SLC49A3: variants seen among roughly 807,000 people sequenced by gnomAD.
SLC49A3 encodes the protein solute carrier family 49 member A3.
A neutral mutation model predicts 43.8 loss-of-function variants in SLC49A3; 50 were observed. The ratio of observed to expected loss-of-function variants is 1.14; its 90% CI spans 0.91 to 1.45. The LOEUF (loss-of-function observed/expected upper bound fraction) is 1.45, where lower values mean the gene tolerates loss of function less well. Among genes scored for constraint, SLC49A3 ranks in the 40% most tolerant of loss-of-function variants. The pLI is 0.00. For missense variants in SLC49A3, 906 were observed against 774.1 expected, an observed-to-expected ratio of 1.17 and a Z score of -2.02; for synonymous variants, 413 against 352.0, an observed-to-expected ratio of 1.17 and a Z score of -1.94.
At chr4:681,793 C>T (rs1739695179), downstream of SLC49A3, 1 of 1,238,884 alleles carries the variant, frequency 8.1e-7, no homozygotes, top group Non-Finnish European at 1.0e-6. Flanking sequence ...CTCCCCGCTC[C>T]CCCTCCCGCG....
In SLC49A3 at chr4:686,705, C is replaced by G; in HGVS notation, c.136-15G>C. ...CTGAGCCACAGCTGCAGGGGTCAGGCGGGAGTCAGCGCAGGGCCACAGACC... is the reference window on the plus strand; with the variant it reads ...CTGAGCCACAGCTGCAGGGGTCAGGGGGGAGTCAGCGCAGGGCCACAGACC... On this transcript the variant is annotated splice_polypyrimidine_tract_variant and intron_variant, in intron 1 of 9. Transcript: ENST00000322224. 2 of 1,609,120 alleles carry G rather than the reference C, an allele frequency of 1.2e-6. No homozygotes were observed. Among genetic ancestry groups the G allele is most frequent in the Non-Finnish European group, 8.5e-7 (1 of 1,178,242 alleles).
rs776671014 is a variant in SLC49A3 at position 682,327 on chromosome 4, C to T, written c.1311G>A (p.Leu437=). Reference sequence around the variant, plus strand: ...GGTATGGGGTGTGGAAGAAGACCGCCAGGATGCAGCTGAAGAAGGTGCACA... The same window carrying T: ...GGTATGGGGTGTGGAAGAAGACCGCTAGGATGCAGCTGAAGAAGGTGCACA... ...AGLCTFFSCI[L]AVFFHTPYRR... Residue 437 remains leucine (L), a synonymous_variant, in exon 10 of 10, where the codon CTG becomes CTA. Transcript: ENST00000322224. The T allele has an allele frequency of 5.9e-6, 8 of 1,349,010 alleles. No homozygotes were observed. The highest frequency in any genetic ancestry group is 2.8e-5 in the East Asian group (1 of 35,880). 83.6% of individuals were successfully genotyped at this position (1,349,010 alleles called of 1,614,324 possible).
At chr4:684,214 TG>T (rs901433364) in intron 6 of SLC49A3, among the ~76,000 whole-genome samples, 11 of 151,906 alleles carry the variant, frequency 7.2e-5, no homozygotes, top group Admixed American at 4.6e-4. Flanking sequence ...CTGGGAGCCC[TG>T]GGGGCCCCAC....
rs750904256 is a variant in SLC49A3, at chr4:683,266, G to C, written c.1095C>G (p.Val365=). 2 of 1,612,662 alleles carry C rather than the reference G, an allele frequency of 1.2e-6. 1 individual carries two copies. Among genetic ancestry groups the C allele is most frequent in the South Asian group, 2.2e-5 (2 of 91,068 alleles). The part of the protein sequence containing the change: ...SVGPVAMELA[V]ECSFPVGEGA... ...CCTCCCCCACGGGGAAGGAACACTC[G>C]ACCGCCAACTCCATGGCCACGGGGC... Residue 365 remains valine, a synonymous_variant, in exon 8 of 10, where the codon GTC becomes GTG. Transcript: ENST00000322224.
Position 683,246 on chromosome 4 carries a change from C to G in SLC49A3, c.1115G>C (p.Gly372Ala), listed in dbSNP as rs773090635. The change falls in exon 8 of 10, where the codon GGG (glycine) becomes GCG (alanine). Residue 372 changes from glycine (G) to alanine (A), a missense_variant. Coordinates refer to ENST00000322224, the MANE Select transcript of SLC49A3 (RefSeq NM_032219.4). ...ELAVECSFPV[G>A]EGAATGMIFV... ...GATCATGCCTGTGGCAGCCCCCTCC[C>G]CCACGGGGAAGGAACACTCGACCGC... The G allele has an allele frequency of 6.2e-7, 1 of 1,612,820 alleles. No homozygotes were observed. Among genetic ancestry groups the G allele is most frequent in the Non-Finnish European group, 8.5e-7 (1 of 1,179,920 alleles).
chr4:679,793 C>G, downstream of SLC49A3: 2 of 778,778 alleles, frequency 2.6e-6, no homozygotes, highest in Non-Finnish European at 4.2e-6. Flanking sequence ...GGCCAAGCGT[C>G]TCCTTCCCGC....
At chr4:689,240 C>T, upstream of SLC49A3, 1 of 634,814 alleles carries the variant, frequency 1.6e-6, no homozygotes, top group South Asian at 7.4e-5. Context: ...CCGGGCCGGG[C>T]CACGGGGGGC....
At chr4:680,842 AGGCGCCG>A, downstream of SLC49A3, 1 of 631,846 alleles carries the variant, frequency 1.6e-6, no homozygotes, top group South Asian at 1.9e-5. Flanking sequence ...AGCTCCTGCT[AGGCGCCG>A]GGGAAAGTAC....
intron 8 of SLC49A3, 26 bp from the exon 9 acceptor site, chr4:682,916 C>G: frequency 2.6e-6 from 4 of 1,538,558 alleles, no homozygotes; most frequent in Non-Finnish European, 2.6e-6. Context: ...CCTCAGCCCC[C>G]GCTGCACTGC....
chr4:686,606 C>G lies in SLC49A3; in HGVS notation c.220G>C (p.Val74Leu). ...SMEQINWLSL[V>L]YLVVSTPFGV... ...AATGGGGTGGATACCACGAGGTAGACCAGTGACAGCCAGTTGATCTGCTCC... is the reference window on the plus strand; with the variant it reads ...AATGGGGTGGATACCACGAGGTAGAGCAGTGACAGCCAGTTGATCTGCTCC... The change falls in exon 2 of 10, where the codon GTC becomes CTC. Residue 74 changes from valine (V) to leucine (L), a missense_variant. Transcript: ENST00000322224. The G allele has an allele frequency of 1.2e-6, 2 of 1,613,294 alleles. No homozygotes were observed. Among genetic ancestry groups the G allele is most frequent in the Non-Finnish European group, 1.7e-6 (2 of 1,179,952 alleles).
At chr4:677,848 G>A (rs773501363), downstream of SLC49A3, 3 of 1,027,400 alleles carry the variant, frequency 2.9e-6, no homozygotes, top group Non-Finnish European at 4.5e-6. Context: ...AAGGGTGTGA[G>A]TCACTGCCAG....
chr4:684,645 C>T, intron 5 of SLC49A3, 46 bp from the exon 6 acceptor site: 1 of 1,610,728 alleles, frequency 6.2e-7, no homozygotes. Flanking sequence ...GGGCCCTTCC[C>T]AAACCCATCG....
downstream of SLC49A3, chr4:680,049 C>CGG: frequency 6.6e-7 from 1 of 1,514,034 alleles, no homozygotes; most frequent in Non-Finnish European, 9.0e-7. Flanking sequence ...CCTGGCCCTC[C>CGG]TAGCTAATTC....
At position 683,468 on chromosome 4, in the gene SLC49A3, C is replaced by T. The variant is rs2109403547; in HGVS notation, c.994-101G>A. 9 of 1,504,658 alleles carry T rather than the reference C, an allele frequency of 6.0e-6. No homozygotes were observed. The South Asian group carries it at 1.0e-4, about 17-fold the overall frequency. The allele number at this position is 1,504,658 out of a possible 1,614,324, so 93.2% of individuals were successfully genotyped here. On this transcript the variant is annotated intron_variant, in intron 7 of 9. Coordinates refer to ENST00000322224, the MANE Select transcript of SLC49A3 (RefSeq NM_032219.4). ...GGACACGGGGCAGGAGAACCCATCC[C>T]ACCCCGGGGCCACCCTGGCTGGCAG...
At chr4:680,568 G>A (rs757460768), downstream of SLC49A3, 23 of 1,613,316 alleles carry the variant, frequency 1.4e-5, no homozygotes, top group Non-Finnish European at 1.9e-5. Context: ...GGACGGGAAA[G>A]GGAAAATCAA....
chr4:683,504 T>C lies in SLC49A3; in HGVS notation c.993+105A>G, dbSNP rs1209722299. 4.0e-6 allele frequency: 6 copies of C among 1,493,442 alleles called. No homozygotes were observed. In the African/African-American group the frequency reaches 8.3e-5, roughly 21 times the overall value. The allele number at this position is 1,493,442 out of a possible 1,614,324, so 92.5% of individuals were successfully genotyped here. On this transcript the variant is annotated intron_variant, in intron 7 of 9. Transcript: ENST00000322224. ...CACCCTGGCTGGCAGAGGCTGGGCATGAGACAGTCCAGACCTCTGTTCCAG... is the reference window on the plus strand; with the variant it reads ...CACCCTGGCTGGCAGAGGCTGGGCACGAGACAGTCCAGACCTCTGTTCCAG...
rs1382259649 is a variant in SLC49A3 at position 683,603 on chromosome 4, C to T, written c.993+6G>A. ...CAGGGCAGTCTTGGCTTGAGGAGAC[C>T]CTCACCAGGGCAAAGGGCACGCAGG... On this transcript the variant is annotated splice_donor_region_variant and intron_variant, in intron 7 of 9. Transcript: ENST00000322224. 5.6e-6 allele frequency: 9 copies of T among 1,607,300 alleles called. No individual in the cohort carries two copies. Among genetic ancestry groups the T allele is most frequent in the Non-Finnish European group, 5.9e-6 (7 of 1,177,304 alleles).
chr4:684,681 C>A (rs374517459), intron 5 of SLC49A3, 38 bp downstream of exon 5: 3 of 1,605,562 alleles, frequency 1.9e-6, no homozygotes, highest in Non-Finnish European at 2.6e-6. Context: ...GCCCCCACCC[C>A]CAAATCCACC....
chr4:685,337 A>G lies in SLC49A3; in HGVS notation c.586-481T>C, dbSNP rs1246171134. Among the ~76,000 whole-genome samples the G allele has an allele frequency of 2.0e-5, 3 of 151,960 alleles. No individual in the cohort carries two copies. Among genetic ancestry groups the G allele is most frequent in the Non-Finnish European group, 4.4e-5 (3 of 68,002 alleles). ...CATATGCACACATCACACAATACAC[A>G]TGGGCACAGGAACAGAGACACGCAC... On this transcript the variant is annotated intron_variant, in intron 4 of 9. Coordinates refer to ENST00000322224, the MANE Select transcript of SLC49A3 (RefSeq NM_032219.4). This position sits in a 1 kb window ranked among gnomAD's most constrained non-coding sequence, Gnocchi z 4.3.
Sources: allele counts gnomAD v4.1 joint callset (sites outside exome capture counted in the v4.1 genomes callset), GRCh38; gene constraint gnomAD v4.1.1; non-coding constraint Gnocchi (gnomAD v3.1); transcripts MANE v1.5; gene names NCBI Gene and HGNC (gene_info 2026-07-23, HGNC 2026-07-21).